The following HDAC9 variants were observed in gnomAD, a reference collection of about 807,000 sequenced individuals.
HDAC9 encodes MEF-2 interacting transcription repressor (MITR) protein.
A neutral mutation model predicts 139.4 loss-of-function variants in HDAC9; 41 were observed. The ratio of observed to expected loss-of-function variants is 0.29; its 90% CI spans 0.23 to 0.38. The LOEUF (loss-of-function observed/expected upper bound fraction) is 0.38, where lower values mean the gene tolerates loss of function less well. HDAC9 is among the 10% of genes least tolerant of loss of function. The pLI, the probability that HDAC9 is intolerant of heterozygous loss-of-function variation, is 1.00. For missense variants in HDAC9, 1,147 were observed against 1,297.0 expected, an observed-to-expected ratio of 0.88 and a Z score of 1.78; for synonymous variants, 517 against 476.2, an observed-to-expected ratio of 1.09 and a Z score of -1.12.
chr7:18,574,812 G>C (rs1825502435), intron 2 of HDAC9, among the ~76,000 whole-genome samples: 1 of 152,264 alleles, frequency 6.6e-6, no homozygotes, highest in Admixed American at 6.5e-5. Flanking sequence ...ATCAGAGCGA[G>C]TGCTGGGAGC....
chr7:18,131,983 T>C (rs1288471034), intron 1 of HDAC9, among the ~76,000 whole-genome samples: 1 of 152,200 alleles, frequency 6.6e-6, no homozygotes, highest in African/African-American at 2.4e-5. Context: ...TGGCAACAGA[T>C]AGATTATGGA....
chr7:18,782,248 A>G (rs1791305011), intron 16 of HDAC9, among the ~76,000 whole-genome samples: 1 of 152,086 alleles, frequency 6.6e-6, no homozygotes, highest in South Asian at 2.1e-4. Flanking sequence ...ACCACATTAA[A>G]CATGCACAGT....
chr7:18,568,026 G>GTATATGTATATA (rs1554505030), intron 2 of HDAC9, among the ~76,000 whole-genome samples: 3 of 126,814 alleles, frequency 2.4e-5, no homozygotes, highest in Non-Finnish European at 4.9e-5. Flanking sequence ...ATATGTATAT[G>GTATATGTATATA]TATATATATA....
intron 2 of HDAC9, among the ~76,000 whole-genome samples, chr7:18,265,527 C>A (rs1795939629): frequency 6.6e-6 from 1 of 152,014 alleles, no homozygotes; most frequent in South Asian, 2.1e-4. Flanking sequence ...TTTCTTAAGT[C>A]TGAGAGGTTT....
At chr7:18,361,809 GGA>G (rs528818096) in intron 1 of HDAC9, among the ~76,000 whole-genome samples, 16 of 151,228 alleles carry the variant, frequency 1.1e-4, no homozygotes, top group Middle Eastern at 3.4e-3. Context: ...TTTATTGCAA[GGA>G]GAGAGAGAAA....
chr7:18,739,067 G>C (rs189201288), intron 13 of HDAC9, among the ~76,000 whole-genome samples: 1 of 152,126 alleles, frequency 6.6e-6, no homozygotes, highest in African/African-American at 2.4e-5. Context: ...ATTGAAGCTT[G>C]TGCATGTGTC....
At chr7:18,135,424 G>T (rs1157781027) in intron 1 of HDAC9, among the ~76,000 whole-genome samples, 5 of 137,450 alleles carry the variant, frequency 3.6e-5, no homozygotes, top group Non-Finnish European at 6.3e-5. Flanking sequence ...CTAGCATTAG[G>T]TATATCTCCC....
At chr7:18,893,944 A>G (rs1462596150) in intron 22 of HDAC9, among the ~76,000 whole-genome samples, 1 of 152,222 alleles carries the variant, frequency 6.6e-6, no homozygotes, top group African/African-American at 2.4e-5. Context: ...CCAAGCCCAC[A>G]GTGCCAAAGG....
chr7:18,301,707 A>G (rs1421384863), intron 1 of HDAC9, among the ~76,000 whole-genome samples: 1 of 152,226 alleles, frequency 6.6e-6, no homozygotes, highest in African/African-American at 2.4e-5. Context: ...CCAAGAGATC[A>G]AAATAAATCT....
At chr7:18,748,875 T>G in intron 13 of HDAC9, 130 bp from the exon 14 acceptor site, 29 of 881,590 alleles carry the variant, frequency 3.3e-5, no homozygotes, top group South Asian at 5.4e-5. Context: ...ATTTGCTTTG[T>G]GATATTTCCT....
chr7:18,751,822 T>C (rs1019654269), intron 14 of HDAC9, among the ~76,000 whole-genome samples: 2 of 152,166 alleles, frequency 1.3e-5, no homozygotes, highest in Non-Finnish European at 2.9e-5. Flanking sequence ...TCATAACTTA[T>C]TTTCTCTTCC....
Position 18,589,886 on chromosome 7 carries a change from C to G in HDAC9, c.265-450C>G, listed in dbSNP as rs1176917619. ...AACTTCCCCCAAATTAATTTAATAT[C>G]TCACCATTCTGTATTTGCGTTGATT... On this transcript the variant is annotated intron_variant, in intron 3 of 25. Coordinates refer to ENST00000686413, the MANE Select transcript of HDAC9 (RefSeq NM_178425.4). Among the ~76,000 whole-genome samples the G allele has an allele frequency of 4.6e-5, 7 of 152,230 alleles. No homozygotes were observed. In the East Asian group the frequency reaches 1.4e-3, roughly 29 times the overall value.
intron 22 of HDAC9, among the ~76,000 whole-genome samples, chr7:18,933,502 T>C (rs993401305): frequency 1.3e-5 from 2 of 152,020 alleles, no homozygotes; most frequent in Non-Finnish European, 2.9e-5. Context: ...AAACATCACA[T>C]TGGAGGTTAG....
chr7:18,627,226 T>C (rs1841955921), intron 6 of HDAC9, among the ~76,000 whole-genome samples: 1 of 152,204 alleles, frequency 6.6e-6, no homozygotes, highest in African/African-American at 2.4e-5. Flanking sequence ...TCTTTTCTAG[T>C]CCACCCACTG....
intron 16 of HDAC9, among the ~76,000 whole-genome samples, chr7:18,781,185 A>T (rs576874491): frequency 6.6e-6 from 1 of 152,106 alleles, no homozygotes; most frequent in African/African-American, 2.4e-5. Flanking sequence ...TTATGATCTC[A>T]TTTAACCTTA....
intron 2 of HDAC9, among the ~76,000 whole-genome samples, chr7:18,248,376 T>G (rs1794694799): frequency 6.6e-6 from 1 of 152,202 alleles, no homozygotes; most frequent in South Asian, 2.1e-4. Flanking sequence ...AGATCCTGTT[T>G]TAGCTAGTTT....
At chr7:18,118,013 A>G (rs912752931) in intron 1 of HDAC9, among the ~76,000 whole-genome samples, 1 of 152,156 alleles carries the variant, frequency 6.6e-6, no homozygotes, top group African/African-American at 2.4e-5. Flanking sequence ...GATCTCTCTG[A>G]GTCTCATTTG....
At chr7:18,798,231 T>C (rs77585167) in intron 17 of HDAC9, among the ~76,000 whole-genome samples, 3,658 of 152,286 alleles carry the variant, frequency 0.024, 153 homozygotes, top group African/African-American at 0.083. Context: ...AAAGTCATTT[T>C]ACCACAATGA....
intron 13 of HDAC9, among the ~76,000 whole-genome samples, chr7:18,743,622 T>A (rs1584957132): frequency 2.8e-5 from 4 of 144,708 alleles, no homozygotes; most frequent in African/African-American, 2.5e-5. Flanking sequence ...AAAAAAAAAA[T>A]TGCAGATAGT....
Sources: allele counts gnomAD v4.1 joint callset (sites outside exome capture counted in the v4.1 genomes callset), GRCh38; gene constraint gnomAD v4.1.1; transcripts MANE v1.5; gene names NCBI Gene and HGNC (gene_info 2026-07-23, HGNC 2026-07-21).